The following GNG7 variants were observed in gnomAD, a reference collection of about 807,000 sequenced individuals.
GNG7 encodes G protein subunit gamma 7.
A neutral mutation model predicts 4.0 loss-of-function variants in GNG7; 1 was observed. The ratio of observed to expected loss-of-function variants is 0.25; its 90% CI spans 0.09 to 1.18. The LOEUF is 1.18. GNG7 is among the 50% of genes most tolerant of loss of function. The pLI, the probability that GNG7 is intolerant of heterozygous loss-of-function variation, is 0.50. For missense variants in GNG7, 86 were observed against 91.9 expected, an observed-to-expected ratio of 0.94 and a Z score of 0.26; for synonymous variants, 34 against 36.9, an observed-to-expected ratio of 0.92 and a Z score of 0.29.
chr19:2,638,007 A>C (rs1284909056), intron 2 of GNG7, among the ~76,000 whole-genome samples: 1 of 151,874 alleles, frequency 6.6e-6, no homozygotes. Context: ...CCTGATTTAC[A>C]CCATCTGCCC....
intron 1 of GNG7, among the ~76,000 whole-genome samples, chr19:2,698,854 G>T (rs143214953): frequency 6.6e-6 from 1 of 152,258 alleles, no homozygotes; most frequent in African/African-American, 2.4e-5. Flanking sequence ...TTTGTGTTTA[G>T]TTCTCTTTGC....
chr19:2,603,283 T>G (rs1480619539), intron 2 of GNG7, among the ~76,000 whole-genome samples: 1 of 152,200 alleles, frequency 6.6e-6, no homozygotes, highest in African/African-American at 2.4e-5. Context: ...GCCAGGGTGA[T>G]CTCGATCTCC....
chr19:2,678,509 C>T (rs1330761010), intron 1 of GNG7, among the ~76,000 whole-genome samples: 1 of 152,204 alleles, frequency 6.6e-6, no homozygotes, highest in Non-Finnish European at 1.5e-5. Flanking sequence ...GGGTCACACC[C>T]ACTGTACACA....
chr19:2,603,881 C>T (rs942966611), intron 2 of GNG7, among the ~76,000 whole-genome samples: 9 of 151,650 alleles, frequency 5.9e-5, no homozygotes, highest in African/African-American at 2.2e-4. Context: ...GACAGAGTCT[C>T]GCTCTGTCAC....
chr19:2,575,844 C>T (rs553264295), intron 2 of GNG7, among the ~76,000 whole-genome samples: 4 of 146,146 alleles, frequency 2.7e-5, no homozygotes, highest in East Asian at 2.1e-4. Flanking sequence ...GGCAGGCACA[C>T]GCAGACACGC....
At chr19:2,690,965 C>A (rs1448768747) in intron 1 of GNG7, among the ~76,000 whole-genome samples, 1 of 152,178 alleles carries the variant, frequency 6.6e-6, no homozygotes, top group African/African-American at 2.4e-5. Flanking sequence ...CCCGTAGAAT[C>A]TTCAACACCA....
chr19:2,534,058 T>C (rs4549001), intron 3 of GNG7, among the ~76,000 whole-genome samples: 118,632 of 152,126 alleles, frequency 0.78, 46,343 homozygotes, highest in South Asian at 0.85. Context: ...ATAAATATTA[T>C]TTCAGGAGTT....
chr19:2,522,139 T>TG, intron 3 of GNG7, among the ~76,000 whole-genome samples: 1 of 151,754 alleles, frequency 6.6e-6, no homozygotes, highest in Admixed American at 6.6e-5. Context: ...TGGCAGGGAG[T>TG]GGGTGGAGGC....
intron 2 of GNG7, among the ~76,000 whole-genome samples, chr19:2,644,327 T>TTATA (rs56143197): frequency 1.7e-3 from 197 of 114,072 alleles, no homozygotes; most frequent in Non-Finnish European, 2.5e-3. Flanking sequence ...GGCCTACACT[T>TTATA]TATATATATA....
intron 3 of GNG7, among the ~76,000 whole-genome samples, chr19:2,548,769 C>A (rs1979216014): frequency 9.6e-6 from 1 of 104,160 alleles, no homozygotes; most frequent in Non-Finnish European, 2.1e-5. Context: ...AGCCTGGGTG[C>A]AGAGCGAGAC....
In GNG7 at chr19:2,557,112, C is replaced by T. The variant is rs1979575029; in HGVS notation, c.-77-1924G>A. On this transcript the variant is annotated intron_variant, in intron 2 of 4. Transcript: ENST00000382159. This position sits in a 1 kb window ranked among gnomAD's most constrained non-coding sequence, Gnocchi z 5.1. The stretch of plus-strand genomic sequence containing the variant: ...GCACACAGGAATACTCAGACACACG[C>T]ACACACGTACACACGTGTACTGCAC... 6.6e-6 allele frequency among the ~76,000 whole-genome samples: 1 copy of T among 151,516 alleles called. No homozygotes were observed. Among genetic ancestry groups the T allele is most frequent in the East Asian group, 1.9e-4 (1 of 5,152 alleles).
chr19:2,554,560 T>TATA (rs199822641), intron 3 of GNG7, among the ~76,000 whole-genome samples: 205 of 63,944 alleles, frequency 3.2e-3, no homozygotes, highest in Middle Eastern at 7.1e-3. Flanking sequence ...TATATATATA[T>TATA]TTTTTTTTTT....
chr19:2,574,876 C>T (rs1325102482), intron 2 of GNG7, among the ~76,000 whole-genome samples: 7 of 152,136 alleles, frequency 4.6e-5, no homozygotes, highest in African/African-American at 4.8e-5. Flanking sequence ...TGTCCGAAAC[C>T]GCACTTGTTA....
intron 1 of GNG7, among the ~76,000 whole-genome samples, chr19:2,691,369 C>T (rs1450746565): frequency 2.0e-5 from 3 of 151,770 alleles, no homozygotes; most frequent in African/African-American, 7.3e-5. Flanking sequence ...CATGGCGAGA[C>T]CCCATCTCTA....
chr19:2,624,294 C>T (rs1398647566), intron 2 of GNG7, among the ~76,000 whole-genome samples: 2 of 151,868 alleles, frequency 1.3e-5, no homozygotes, highest in African/African-American at 2.4e-5. Context: ...CTTTGGGAGG[C>T]CGAGGTGGAA....
At chr19:2,664,866 C>T (rs761829635) in intron 1 of GNG7, among the ~76,000 whole-genome samples, 11 of 152,298 alleles carry the variant, frequency 7.2e-5, no homozygotes, top group East Asian at 5.8e-4. Context: ...ACCCACTCCA[C>T]GCCACGACCA....
chr19:2,657,361 AATATATATATATATATAT>A (rs869231931), intron 1 of GNG7, among the ~76,000 whole-genome samples: 604 of 15,998 alleles, frequency 0.038, 14 homozygotes, highest in Middle Eastern at 0.16. Context: ...AAAAAAAAAA[AATATATATATATATATAT>A]ATATATATAT....
At chr19:2,677,253 A>ATTT (rs60983729) in intron 1 of GNG7, among the ~76,000 whole-genome samples, 28,879 of 145,284 alleles carry the variant, frequency 0.2, 3,240 homozygotes, top group East Asian at 0.54. Context: ...AGAGAATTCC[A>ATTT]TTTTTTTTTT....
rs564510253 is a variant in GNG7 at position 2,586,115 on chromosome 19, G to C, written c.-77-30927C>G. The stretch of plus-strand genomic sequence containing the variant: ...TGTAAACATAAAGTTGTACGATTTT[G>C]ATGATGAAAAACGGAACTCTCACCC... On this transcript the variant is annotated intron_variant, in intron 2 of 4. Coordinates refer to ENST00000382159, the MANE Select transcript of GNG7 (RefSeq NM_052847.3). 1.5e-4 allele frequency among the ~76,000 whole-genome samples: 23 copies of C among 152,334 alleles called. No individual in the cohort carries two copies. The South Asian group carries it at 4.6e-3, about 30-fold the overall frequency.
Sources: gnomAD v4.1 joint callset for allele counts (sites outside exome capture counted in the v4.1 genomes callset) on GRCh38, gnomAD v4.1.1 for gene constraint, Gnocchi (gnomAD v3.1) non-coding constraint, MANE v1.5 for transcripts, NCBI Gene and HGNC (gene_info 2026-07-23, HGNC 2026-07-21) for gene names.